The following PUDP variants were observed in gnomAD, a reference collection of about 807,000 sequenced individuals.
PUDP encodes pseudouridine-5'-phosphatase.
Under a neutral mutation model 9.4 loss-of-function variants are expected in PUDP, and 8 were observed. That is an observed-to-expected ratio of 0.85 (90% CI 0.50 to 1.53). The LOEUF is 1.53. PUDP is among the 40% of genes most tolerant of loss of function. PUDP has a pLI of 0.00. For synonymous variants in PUDP, 99 were observed against 80.7 expected (o/e 1.23, Z -1.22); for missense variants, 188 against 189.7 (o/e 0.99, Z 0.05).
intron 1 of PUDP, among the ~76,000 whole-genome samples, chrX:7,112,842 T>C (rs1239797270): frequency 9.0e-6 from 1 of 111,031 alleles, no homozygotes; most frequent in Non-Finnish European, 1.9e-5. Flanking sequence ...TTAATTTTTT[T>C]TGTAGAGACA....
intron 1 of PUDP, among the ~76,000 whole-genome samples, chrX:7,126,995 C>CT (rs1932502389): frequency 9.0e-6 from 1 of 111,438 alleles, no homozygotes; most frequent in African/African-American, 3.3e-5. Flanking sequence ...TTTTATGTAT[C>CT]TAATTCTACC....
chrX:6,926,381 A>G (rs1326145651), intron 3 of PUDP, among the ~76,000 whole-genome samples: 2 of 112,208 alleles, frequency 1.8e-5, no homozygotes, highest in Non-Finnish European at 3.8e-5. Context: ...TAAACACACA[A>G]TGCAAAACAC....
In PUDP at chrX:6,822,707, T is replaced by A. The variant is rs539285936; in HGVS notation, c.*248-116241A>T. On this transcript the variant is annotated intron_variant and NMD_transcript_variant, in intron 3 of 3. Transcript: ENST00000655425. ...CCCAAAGTGTTTTTTTTTTTTTTTT[T>A]AACTTTTATTTTAGGTTTTGGGGTA... 3.1e-5 allele frequency among the ~76,000 whole-genome samples: 3 copies of A among 95,438 alleles called. No individual in the cohort carries two copies. In the South Asian group the frequency reaches 1.4e-3, roughly 44 times the overall value. 82.9% of individuals were successfully genotyped at this position (95,438 alleles called of 115,157 possible). A position where few individuals can be genotyped will look rare whatever the true frequency, so the allele number is the denominator to read the frequency against.
chrX:6,749,721 C>G (rs1455472142), intron 3 of PUDP, among the ~76,000 whole-genome samples: 1 of 111,796 alleles, frequency 8.9e-6, no homozygotes, highest in African/African-American at 3.3e-5. Flanking sequence ...AACCACAGAT[C>G]TCATTTTTCC....
At chrX:7,111,107 G>A (rs1048769930) in intron 1 of PUDP, among the ~76,000 whole-genome samples, 1 of 111,096 alleles carries the variant, frequency 9.0e-6, no homozygotes, top group Non-Finnish European at 1.9e-5. Flanking sequence ...GGTTTTATAA[G>A]TGTTTGCAAG....
At chrX:6,750,673 G>A (rs191507914) in intron 3 of PUDP, among the ~76,000 whole-genome samples, 103 of 111,400 alleles carry the variant, frequency 9.2e-4, no homozygotes, top group African/African-American at 3.3e-3. Context: ...TCATTTAAGA[G>A]CTTCATTCCA....
chrX:6,814,534 A>G (rs1268302393), intron 3 of PUDP, among the ~76,000 whole-genome samples: 3 of 111,461 alleles, frequency 2.7e-5, no homozygotes, highest in African/African-American at 9.8e-5. Flanking sequence ...CCTCCAAACT[A>G]ACCAATGGGC....
chrX:7,068,501 G>A (rs1371422343), intron 3 of PUDP, among the ~76,000 whole-genome samples: 1 of 111,763 alleles, frequency 8.9e-6, no homozygotes, highest in Non-Finnish European at 1.9e-5. Flanking sequence ...AGACCTTGAA[G>A]TCAACATAGC....
chrX:6,722,709 C>T (rs182789185), upstream of PUDP, among the ~76,000 whole-genome samples: 5 of 111,408 alleles, frequency 4.5e-5, no homozygotes, highest in East Asian at 2.8e-4. Context: ...TTCCTACTCC[C>T]GCAAGAACTC....
chrX:6,764,396 C>T (rs1925260567), intron 3 of PUDP, among the ~76,000 whole-genome samples: 1 of 112,012 alleles, frequency 8.9e-6, no homozygotes, highest in African/African-American at 3.2e-5. Context: ...GGCTTATTGG[C>T]CCTGTGGGTT....
At chrX:7,127,983 T>C (rs1390812997) in intron 1 of PUDP, among the ~76,000 whole-genome samples, 3 of 111,926 alleles carry the variant, frequency 2.7e-5, no homozygotes, top group Non-Finnish European at 5.6e-5. Flanking sequence ...TATGAAAAAA[T>C]TGTAAAGGTT....
chrX:6,775,997 T>G (rs2146681151), intron 3 of PUDP, among the ~76,000 whole-genome samples: 1 of 111,777 alleles, frequency 8.9e-6, no homozygotes, highest in East Asian at 2.8e-4. Flanking sequence ...CGTTTTCACC[T>G]TACTGAGGAA....
chrX:7,075,876 A>C (rs1458107165), intron 3 of PUDP, among the ~76,000 whole-genome samples: 1 of 111,569 alleles, frequency 9.0e-6, no homozygotes, highest in African/African-American at 3.3e-5. Context: ...GGATTATTAG[A>C]CCTGAAGAGA....
At chrX:6,882,796 G>A (rs1927368012) in intron 3 of PUDP, among the ~76,000 whole-genome samples, 1 of 111,403 alleles carries the variant, frequency 9.0e-6, no homozygotes, top group Admixed American at 9.5e-5. Flanking sequence ...AGCAGCCGGG[G>A]CAAGAGTCCT....
intron 3 of PUDP, among the ~76,000 whole-genome samples, chrX:6,763,170 G>T (rs897676403): frequency 8.9e-6 from 1 of 112,204 alleles, no homozygotes; most frequent in African/African-American, 3.2e-5. Context: ...GGGTGGATCA[G>T]TTGAGGCCAG....
intron 3 of PUDP, among the ~76,000 whole-genome samples, chrX:6,747,931 A>G (rs928988227): frequency 3.6e-5 from 4 of 112,153 alleles, no homozygotes; most frequent in Non-Finnish European, 1.9e-5. Flanking sequence ...AAGATGTTCT[A>G]TGAAAATCAT....
chrX:7,112,408 T>TA (rs1420949663), intron 1 of PUDP, among the ~76,000 whole-genome samples: 1 of 112,349 alleles, frequency 8.9e-6, no homozygotes, highest in Non-Finnish European at 1.9e-5. Context: ...ACCGCTTACT[T>TA]ATGAAGTTAC....
intron 3 of PUDP, among the ~76,000 whole-genome samples, chrX:6,892,733 G>A (rs889324280): frequency 6.3e-5 from 7 of 111,555 alleles, no homozygotes; most frequent in Non-Finnish European, 9.4e-5. Context: ...GTTCAATGAA[G>A]TCATAAGGAT....
At chrX:6,982,675 GC>G (rs1254864336) in intron 1 of PUDP, among the ~76,000 whole-genome samples, 1 of 111,327 alleles carries the variant, frequency 9.0e-6, no homozygotes, top group African/African-American at 3.3e-5. Context: ...TGGAATTCAA[GC>G]CCCTCTCATC....
Sources: gnomAD v4.1 joint callset for allele counts (sites outside exome capture counted in the v4.1 genomes callset) on GRCh38, gnomAD v4.1.1 for gene constraint, MANE v1.5 for transcripts, NCBI Gene and HGNC (gene_info 2026-07-23, HGNC 2026-07-21) for gene names.